CDH4: variants seen among roughly 807,000 people sequenced by gnomAD.
The protein encoded by CDH4 is cadherin 4, also known as cadherin-4.
Under a neutral mutation model 86.0 loss-of-function variants are expected in CDH4, and 33 were observed. The observed-to-expected ratio is 0.38, with a 90% CI of 0.29 to 0.51. The LOEUF is 0.51. Ranked by LOEUF, CDH4 falls within the 20% of genes least tolerant of loss-of-function variation. The pLI is 0.86. For missense variants in CDH4, 1,114 were observed against 1,307.4 expected (o/e 0.85, Z 2.28); for synonymous variants, 555 against 549.4 (o/e 1.01, Z -0.14).
At chr20:61,336,512 C>A (rs2084617880) in intron 2 of CDH4, among the ~76,000 whole-genome samples, 1 of 152,134 alleles carries the variant, frequency 6.6e-6, no homozygotes, top group African/African-American at 2.4e-5. Context: ...CTTCTTCAAG[C>A]CCCTTTTTGT....
intron 2 of CDH4, among the ~76,000 whole-genome samples, chr20:61,404,680 C>G (rs1483305700): frequency 6.6e-6 from 1 of 151,802 alleles, no homozygotes; most frequent in African/African-American, 2.4e-5. Flanking sequence ...TGTGAAACAT[C>G]CCGAGGCTTC....
At chr20:61,528,589 A>G (rs944945544) in intron 2 of CDH4, among the ~76,000 whole-genome samples, 5 of 151,996 alleles carry the variant, frequency 3.3e-5, no homozygotes, top group Admixed American at 2.0e-4. Context: ...GGCAACGTAG[A>G]AAGACCCCAT....
intron 2 of CDH4, among the ~76,000 whole-genome samples, chr20:61,635,689 G>A (rs1383829310): frequency 1.3e-5 from 2 of 152,186 alleles, no homozygotes; most frequent in East Asian, 3.9e-4. Flanking sequence ...AATTCTGGGG[G>A]TTGGAGTAGG....
At chr20:61,302,094 C>CT (rs1305173427) in intron 2 of CDH4, among the ~76,000 whole-genome samples, 2 of 152,222 alleles carry the variant, frequency 1.3e-5, no homozygotes, top group Admixed American at 1.3e-4. Flanking sequence ...TCAGATCCGA[C>CT]TGACAAAGTA....
chr20:61,898,682 T>C (rs918861586), intron 8 of CDH4, among the ~76,000 whole-genome samples: 3 of 152,216 alleles, frequency 2.0e-5, no homozygotes, highest in Non-Finnish European at 4.4e-5. Context: ...GCCTGCTGTG[T>C]AGCCAAGGCC....
intron 2 of CDH4, among the ~76,000 whole-genome samples, chr20:61,556,030 G>A (rs1008169215): frequency 6.6e-6 from 1 of 152,104 alleles, no homozygotes; most frequent in Non-Finnish European, 1.5e-5. Context: ...TCTCTGCTCC[G>A]GTGCACCCCA....
At chr20:61,892,510 G>A (rs921278947) in intron 7 of CDH4, among the ~76,000 whole-genome samples, 14 of 152,174 alleles carry the variant, frequency 9.2e-5, no homozygotes, top group African/African-American at 3.4e-4. Flanking sequence ...TGAGCTGAGA[G>A]CATGCTGGGC....
chr20:61,356,667 C>A (rs1397903735), intron 2 of CDH4, among the ~76,000 whole-genome samples: 3 of 152,160 alleles, frequency 2.0e-5, no homozygotes, highest in African/African-American at 7.2e-5. Flanking sequence ...AGGATTGTAA[C>A]AAGCTATTGA....
intron 2 of CDH4, among the ~76,000 whole-genome samples, chr20:61,683,509 G>T (rs933821351): frequency 6.6e-6 from 1 of 152,196 alleles, no homozygotes; most frequent in Non-Finnish European, 1.5e-5. Flanking sequence ...GGCCCAGGCA[G>T]ATGGTACCAG....
rs779229235 is a variant in CDH4, at chr20:61,895,059, G to A, written c.1188+12G>A. ...TTACCGCCAGCACGGTGAGTCCCTC[G>A]AAGCTGCCCAGTGACGCATGGCCCG... is the stretch of plus-strand genomic sequence containing the variant. On this transcript the variant is annotated intron_variant, in intron 8 of 15. Coordinates refer to ENST00000614565, the MANE Select transcript of CDH4 (RefSeq NM_001794.5). 27 of 1,612,662 alleles carry A rather than the reference G, an allele frequency of 1.7e-5. No homozygotes were observed. The highest frequency in any genetic ancestry group is 4.5e-5 in the East Asian group (2 of 44,892).
At chr20:61,927,309 GGC>G (rs1473550903) in intron 11 of CDH4, among the ~76,000 whole-genome samples, 1 of 150,988 alleles carries the variant, frequency 6.6e-6, no homozygotes, top group East Asian at 2.0e-4. Context: ...CCAGCCACCT[GGC>G]CTGCATCCTG....
At chr20:61,767,872 G>C (rs971136642) in intron 3 of CDH4, among the ~76,000 whole-genome samples, 1 of 152,176 alleles carries the variant, frequency 6.6e-6, no homozygotes, top group Non-Finnish European at 1.5e-5. Flanking sequence ...TGTCAAGGAC[G>C]GCTCCATGAA....
At chr20:61,803,593 C>T (rs1489298142) in intron 4 of CDH4, among the ~76,000 whole-genome samples, 2 of 152,230 alleles carry the variant, frequency 1.3e-5, no homozygotes, top group East Asian at 3.8e-4. Context: ...GGGCGAGCCG[C>T]AGGCCTGGTG....
intron 3 of CDH4, among the ~76,000 whole-genome samples, chr20:61,744,433 A>AG (rs528583484): frequency 2.1e-4 from 20 of 93,482 alleles, no homozygotes; most frequent in East Asian, 3.3e-4. Flanking sequence ...AAGGAAAGGG[A>AG]GGGAGAGGAA....
intron 2 of CDH4, among the ~76,000 whole-genome samples, chr20:61,308,687 A>G (rs1417372220): frequency 6.6e-6 from 1 of 152,144 alleles, no homozygotes; most frequent in Non-Finnish European, 1.5e-5. Flanking sequence ...TGTGGTTTTC[A>G]TTTGCTAATG....
chr20:61,802,281 A>T (rs910230048), intron 4 of CDH4, among the ~76,000 whole-genome samples: 1 of 152,210 alleles, frequency 6.6e-6, no homozygotes, highest in African/African-American at 2.4e-5. Flanking sequence ...AGAGGTCAGG[A>T]TTCTCACTCA....
intron 2 of CDH4, among the ~76,000 whole-genome samples, chr20:61,449,960 T>C (rs888147349): frequency 3.9e-5 from 6 of 152,248 alleles, no homozygotes; most frequent in African/African-American, 7.2e-5. Flanking sequence ...CACTTTGCTT[T>C]TGCAAAACCA....
chr20:61,292,374 C>A (rs1250986746), intron 2 of CDH4, among the ~76,000 whole-genome samples: 1 of 152,230 alleles, frequency 6.6e-6, no homozygotes. Context: ...GAAACGCATC[C>A]ACCCCAGTCC....
At position 61,765,567 on chromosome 20, in the gene CDH4, C is replaced by T. The variant is rs781533298; in HGVS notation, c.397-7436C>T. Among the ~76,000 whole-genome samples the T allele has an allele frequency of 1.2e-4, 19 of 152,298 alleles. No homozygotes were observed. The East Asian group carries it at 1.5e-3, about 12-fold the overall frequency. On this transcript the variant is annotated intron_variant, in intron 3 of 15. Transcript: ENST00000614565. ...GAGCAGCCTTAGGGCGTAAGGAGAG[C>T]AGGGAAGAGGAGGAGGAGGAGGAGG...
Sources: allele counts gnomAD v4.1 joint callset (sites outside exome capture counted in the v4.1 genomes callset), GRCh38; gene constraint gnomAD v4.1.1; transcripts MANE v1.5; gene names NCBI Gene and HGNC (gene_info 2026-07-23, HGNC 2026-07-21).